Variants in TRUB2 observed in about 807,000 individuals in gnomAD.
TRUB2 encodes the protein TruB pseudouridine synthase family member 2.
In TRUB2, 31 loss-of-function variants were observed where a neutral mutation model predicts 31.9. The observed-to-expected ratio is 0.97, with a 90% confidence interval of 0.73 to 1.31. The LOEUF (loss-of-function observed/expected upper bound fraction) is 1.31. TRUB2 is among the 50% of genes most tolerant of loss of function. TRUB2 has a pLI of 0.00. For missense variants in TRUB2, 451 were observed against 439.6 expected, an observed-to-expected ratio of 1.03 and a Z score of -0.23; for synonymous variants, 201 against 182.6, an observed-to-expected ratio of 1.10 and a Z score of -0.81.
intron 4 of TRUB2, among the ~76,000 whole-genome samples, chr9:128,314,491 G>A (rs1214451209): frequency 6.6e-6 from 1 of 152,156 alleles, no homozygotes; most frequent in East Asian, 1.9e-4. Context: ...GTAATGATTG[G>A]CTGGATACAG....
chr9:128,310,816 AAG>A, intron 7 of TRUB2, 69 bp downstream of exon 7: 1 of 1,593,284 alleles, frequency 6.3e-7, no homozygotes. Flanking sequence ...TGACCTCTGC[AAG>A]AGCGTTCCTG....
At chr9:128,321,106 A>G (rs574484418) in intron 2 of TRUB2, among the ~76,000 whole-genome samples, 11 of 152,360 alleles carry the variant, frequency 7.2e-5, no homozygotes, top group African/African-American at 2.6e-4. Context: ...ATAATGCCTA[A>G]TATAATGCCT....
chr9:128,321,066 C>T (rs566627346), intron 2 of TRUB2, among the ~76,000 whole-genome samples: 2 of 152,344 alleles, frequency 1.3e-5, no homozygotes, highest in African/African-American at 4.8e-5. Context: ...GGATTACAGG[C>T]GTGAGCCACC....
intron 2 of TRUB2, among the ~76,000 whole-genome samples, chr9:128,321,056 G>C (rs1275860091): frequency 6.6e-6 from 1 of 152,198 alleles, no homozygotes; most frequent in Non-Finnish European, 1.5e-5. Flanking sequence ...CAAAATGCTG[G>C]GATTACAGGC....
chr9:128,310,008 G>C, intron 7 of TRUB2, 133 bp from the exon 8 acceptor site: 1 of 985,396 alleles, frequency 1.0e-6, no homozygotes, highest in Non-Finnish European at 1.5e-6. Flanking sequence ...TCCAGGTTGT[G>C]CTATTCAGAG....
intron 4 of TRUB2, 143 bp from the exon 5 acceptor site, chr9:128,314,032 C>T: frequency 1.5e-6 from 1 of 665,054 alleles, no homozygotes; most frequent in East Asian, 2.7e-5. Flanking sequence ...GCTCCACAGC[C>T]CCAGGAGGAA....
At chr9:128,317,647 C>T (rs1832092069) in intron 2 of TRUB2, among the ~76,000 whole-genome samples, 1 of 152,108 alleles carries the variant, frequency 6.6e-6, no homozygotes, top group African/African-American at 2.4e-5. Flanking sequence ...AGGAATGAGC[C>T]AGAAGTGTTT....
Position 128,307,538 on chromosome 9 carries a change from C to G in TRUB2, c.*2012G>C. 6.6e-6 allele frequency: 1 copy of G among 151,986 alleles called. No homozygotes were observed. The highest frequency in any genetic ancestry group is 1.5e-5 in the Non-Finnish European group (1 of 68,018). The allele number at this position is 151,986 out of a possible 1,614,324, so 9.4% of individuals were successfully genotyped here. ...CTCAGGTCAGGAGTTCCAGACCAGC[C>G]TGGCCAACATAGTGAAACCCTGTCT... On this transcript the variant is annotated 3_prime_UTR_variant, in exon 8 of 8. Transcript: ENST00000372890.
intron 5 of TRUB2, among the ~76,000 whole-genome samples, chr9:128,312,615 A>ATTT (rs756476106): frequency 8.7e-5 from 11 of 126,694 alleles, no homozygotes; most frequent in Non-Finnish European, 1.0e-4. Flanking sequence ...TATTATTATT[A>ATTT]TTTTTTTTTT....
At chr9:128,313,204 G>A (rs1400463673) in intron 5 of TRUB2, among the ~76,000 whole-genome samples, 1 of 147,136 alleles carries the variant, frequency 6.8e-6, no homozygotes, top group African/African-American at 2.5e-5. Flanking sequence ...GCGACAGAGC[G>A]AGACATCGTT....
At chr9:128,313,216 CA>C (rs1201864514) in intron 5 of TRUB2, among the ~76,000 whole-genome samples, 215 of 115,966 alleles carry the variant, frequency 1.9e-3, no homozygotes, top group African/African-American at 2.5e-3. Flanking sequence ...GACATCGTTT[CA>C]AAAAAAAAAA....
intron 5 of TRUB2, 67 bp downstream of exon 5, chr9:128,313,741 G>C (rs1832018744): frequency 6.9e-6 from 10 of 1,453,404 alleles, no homozygotes; most frequent in Middle Eastern, 2.2e-4. Context: ...GCGTGGCCTA[G>C]GGCGGGGAGA....
In TRUB2 at chr9:128,306,202, G is replaced by C. The variant is rs1588516490; in HGVS notation, c.*3348C>G. The C allele has an allele frequency of 6.6e-6, 1 of 152,078 alleles. No homozygotes were observed. The highest frequency in any genetic ancestry group is 6.6e-5 in the Admixed American group (1 of 15,264). 9.4% of individuals were successfully genotyped at this position (152,078 alleles called of 1,614,324 possible). A position where few individuals can be genotyped will look rare whatever the true frequency, so the allele number is the denominator to read the frequency against. On this transcript the variant is annotated 3_prime_UTR_variant, in exon 8 of 8. Coordinates refer to ENST00000372890, the MANE Select transcript of TRUB2 (RefSeq NM_015679.3). The stretch of plus-strand genomic sequence containing the variant: ...GACCAATTATTTTGGCCATGACTCA[G>C]AGTTCCCCTATCCTGCTATCCTGAG...
At chr9:128,315,827 T>A in intron 3 of TRUB2, 199 bp from the exon 4 acceptor site, 7 of 601,324 alleles carry the variant, frequency 1.2e-5, no homozygotes, top group Non-Finnish European at 2.1e-5. Flanking sequence ...CTTACCCATA[T>A]GCACTGAATC....
chr9:128,317,652 G>A (rs1283689322), intron 2 of TRUB2, among the ~76,000 whole-genome samples: 1 of 152,212 alleles, frequency 6.6e-6, no homozygotes, highest in African/African-American at 2.4e-5. Flanking sequence ...TGAGCCAGAA[G>A]TGTTTACACT....
In TRUB2 at chr9:128,309,600, A is replaced by T. The variant is rs369751929; in HGVS notation, c.946T>A (p.Ser316Thr). The T allele has an allele frequency of 1.4e-5, 23 of 1,613,566 alleles. No homozygotes were observed. The highest frequency in any genetic ancestry group is 1.9e-5 in the Non-Finnish European group (22 of 1,179,842). Residue 316 changes from serine to threonine, a missense_variant, in exon 8 of 8, where the codon TCC (serine) becomes ACC (threonine). Ser to Thr is a moderately conservative substitution (Grantham distance 58). Transcript: ENST00000372890. Reference sequence around the variant, plus strand: ...CCCAAGGTAGAGCTCGGGCCCTGGGAGTCCCAGGACCATCCCGGACTGGGG... The same window carrying T: ...CCCAAGGTAGAGCTCGGGCCCTGGGTGTCCCAGGACCATCCCGGACTGGGG... ...QLPSPGWSWD[S>T]QGPSSTLGLE... is the part of the protein sequence containing the mutation.
chr9:128,311,217 A>G (rs1831963214), intron 6 of TRUB2, 194 bp from the exon 7 acceptor site: 3 of 707,600 alleles, frequency 4.2e-6, no homozygotes, highest in East Asian at 5.4e-5. Flanking sequence ...CCAGAGCCCA[A>G]GCTCTTAACT....
chr9:128,320,203 C>CTG (rs1832139790), intron 2 of TRUB2, among the ~76,000 whole-genome samples: 2 of 151,480 alleles, frequency 1.3e-5, no homozygotes, highest in African/African-American at 2.4e-5. Context: ...GAGTCTCACT[C>CTG]TGTCACCCAG....
rs1442672392 is a variant in TRUB2 at position 128,312,391 on chromosome 9, G to A, written c.461-790C>T. Among the ~76,000 whole-genome samples the A allele has an allele frequency of 3.3e-5, 5 of 151,112 alleles. No individual in the cohort carries two copies. In the Middle Eastern group the frequency reaches 0.01, roughly 313 times the overall value. The stretch of plus-strand genomic sequence containing the variant: ...GACATCAGGCAATCCACCTGCCTTG[G>A]CCTCCCAAAGTGCTGGGATTACAGG... On this transcript the variant is annotated intron_variant, in intron 5 of 7. Transcript: ENST00000372890.
Sources: gnomAD v4.1 joint callset for allele counts (sites outside exome capture counted in the v4.1 genomes callset) on GRCh38, gnomAD v4.1.1 for gene constraint, MANE v1.5 for transcripts, NCBI Gene and HGNC (gene_info 2026-07-23, HGNC 2026-07-21) for gene names.